Variants in ZAP70 observed in about 807,000 individuals in gnomAD.
ZAP70 encodes tyrosine-protein kinase ZAP-70.
Under a neutral mutation model 65.8 loss-of-function variants are expected in ZAP70, and 27 were observed. That is an observed-to-expected ratio of 0.41 (90% CI 0.30 to 0.57). ZAP70 has a LOEUF of 0.57. Ranked by LOEUF, ZAP70 falls within the 20% of genes least tolerant of loss-of-function variation. The pLI, the probability that ZAP70 is intolerant of heterozygous loss-of-function variation, is 0.28. For missense variants in ZAP70, 696 were observed against 870.5 expected (o/e 0.80, Z 2.52); for synonymous variants, 363 against 360.8 (o/e 1.01, Z -0.07).
chr2:97,756,156 A>G, the ZAP70 span, among the ~76,000 whole-genome samples: 6 of 152,172 alleles, frequency 3.9e-5, no homozygotes, highest in Admixed American at 6.5e-5. Context: ...AGGACCCTCC[A>G]TGATTGCCAT....
chr2:97,738,403 C>T lies in ZAP70; in HGVS notation c.1736+296C>T, dbSNP rs770250305. 7.4e-5 allele frequency: 35 copies of T among 473,210 alleles called. 1 individual carries two copies. Among genetic ancestry groups the T allele is most frequent in the South Asian group, 5.8e-4 (28 of 48,576 alleles). 29.3% of individuals were successfully genotyped at this position (473,210 alleles called of 1,614,324 possible). ...CCTGCAACACGCAAACAGGTCCATA[C>T]TCTGCTACTCAACCTATGACACTGA... On this transcript the variant is annotated intron_variant, in intron 13 of 13. Transcript: ENST00000264972.
rs757387976 is a variant in ZAP70 at position 97,732,930 on chromosome 2, A to G, written c.611A>G (p.Tyr204Cys). Residue 204 changes from tyrosine to cysteine, a missense_variant, in exon 5 of 14, where the codon TAT (tyrosine) becomes TGT (cysteine). By Grantham distance (194) the Tyr-to-Cys change is radical (BLOSUM62 -2). Coordinates refer to ENST00000264972, the MANE Select transcript of ZAP70 (RefSeq NM_001079.4). ...GGCACATACGCCCTGTCCCTCATCT[A>G]TGGGAAGACGGTGTACCACTACCTC... ...EQGTYALSLI[Y>C]GKTVYHYLIS... is the part of the protein sequence containing the mutation. 3 of 1,614,044 alleles carry G rather than the reference A, an allele frequency of 1.9e-6. No individual in the cohort carries two copies. Among genetic ancestry groups the G allele is most frequent in the Admixed American group, 3.3e-5 (2 of 60,024 alleles).
intron 2 of ZAP70, among the ~76,000 whole-genome samples, chr2:97,714,208 C>T (rs1383972300): frequency 5.9e-5 from 9 of 152,134 alleles, no homozygotes; most frequent in African/African-American, 1.9e-4. Context: ...GAGGCTTGGC[C>T]GAGCGGGGCT....
At chr2:97,717,987 A>G (rs11123869) in intron 2 of ZAP70, among the ~76,000 whole-genome samples, 115,597 of 152,130 alleles carry the variant, frequency 0.76, 45,503 homozygotes, top group African/African-American at 0.92. Context: ...GCTGTGATCC[A>G]GGGGCTGTAA....
intron 2 of ZAP70, among the ~76,000 whole-genome samples, chr2:97,720,213 G>C (rs1018316790): frequency 6.6e-6 from 1 of 151,844 alleles, no homozygotes; most frequent in Non-Finnish European, 1.5e-5. Flanking sequence ...GCCTTCATGG[G>C]TTTTTTTGTT....
At chr2:97,724,721 T>G (rs1677309642) in intron 3 of ZAP70, 20 of 1,508,966 alleles carry the variant, frequency 1.3e-5, no homozygotes, top group Non-Finnish European at 1.8e-5. Flanking sequence ...AGGCGAGGCT[T>G]GGAATGGGGG....
chr2:97,743,799 C>T (rs2104717878), downstream of ZAP70, among the ~76,000 whole-genome samples: 1 of 152,242 alleles, frequency 6.6e-6, no homozygotes, highest in African/African-American at 2.4e-5. Flanking sequence ...GTTGTGAATC[C>T]ATTGTCTCTT....
intron 2 of ZAP70, among the ~76,000 whole-genome samples, 179 bp downstream of exon 2, chr2:97,714,173 G>A (rs983834898): frequency 3.9e-5 from 6 of 152,208 alleles, no homozygotes; most frequent in Non-Finnish European, 5.9e-5. Flanking sequence ...TTGTGGCCAC[G>A]CTGAGGGAAG....
intron 2 of ZAP70, among the ~76,000 whole-genome samples, chr2:97,722,500 T>C (rs927388513): frequency 2.0e-5 from 3 of 152,216 alleles, no homozygotes; most frequent in Non-Finnish European, 4.4e-5. Flanking sequence ...ATGTGCCTTA[T>C]GGAGAAAACA....
downstream of ZAP70, among the ~76,000 whole-genome samples, chr2:97,740,212 C>A (rs928448236): frequency 1.3e-5 from 2 of 152,126 alleles, no homozygotes; most frequent in Non-Finnish European, 2.9e-5. Context: ...GGGTCTTCAC[C>A]CCCCCAGGGG....
chr2:97,730,641 A>G (rs1677561963), intron 4 of ZAP70, among the ~76,000 whole-genome samples: 1 of 152,196 alleles, frequency 6.6e-6, no homozygotes, highest in Admixed American at 6.5e-5. Context: ...CAGAAGACAG[A>G]GGAGGAGGCC....
chr2:97,745,225 G>C, the ZAP70 span, among the ~76,000 whole-genome samples: 3 of 152,286 alleles, frequency 2.0e-5, no homozygotes, highest in South Asian at 6.2e-4. Flanking sequence ...TCTTAGTAGA[G>C]ATGGGGTTTC....
intron 8 of ZAP70, 161 bp from the exon 9 acceptor site, chr2:97,734,359 G>A: frequency 1.4e-6 from 2 of 1,436,304 alleles, no homozygotes; most frequent in Non-Finnish European, 1.8e-6. Flanking sequence ...GTATGCCAGT[G>A]TGTGCGTGTG....
At chr2:97,735,698 C>T (rs192931103) in intron 10 of ZAP70, among the ~76,000 whole-genome samples, 64 of 152,330 alleles carry the variant, frequency 4.2e-4, no homozygotes, top group African/African-American at 1.3e-3. Context: ...TTGCGAGGAT[C>T]GAATGAGTCG....
intron 9 of ZAP70, 156 bp from the exon 10 acceptor site, chr2:97,735,094 C>A: frequency 4.6e-6 from 4 of 868,918 alleles, no homozygotes; most frequent in Non-Finnish European, 7.2e-6. Context: ...ACGCTCCAGG[C>A]TGCAGGGACA....
chr2:97,729,141 C>T (rs960244043), intron 4 of ZAP70, among the ~76,000 whole-genome samples: 4 of 152,238 alleles, frequency 2.6e-5, no homozygotes, highest in African/African-American at 9.6e-5. Context: ...AGCATATTCA[C>T]CTCAAAGACT....
rs1677989578 is a variant in ZAP70 at position 97,738,169 on chromosome 2, G to A, written c.1736+62G>A. ...CCCCTGGAAAGTCCTGGTGCCCGAT[G>A]AGTTGATGTCAATATAACTCTACCC... On this transcript the variant is annotated intron_variant, in intron 13 of 13. Transcript: ENST00000264972. 3 of 1,459,304 alleles carry A rather than the reference G, an allele frequency of 2.1e-6. No individual in the cohort carries two copies. In the East Asian group the frequency reaches 7.3e-5, roughly 36 times the overall value. The allele number at this position is 1,459,304 out of a possible 1,614,324, so 90.4% of individuals were successfully genotyped here. A position where few individuals can be genotyped will look rare whatever the true frequency, so the allele number is the denominator to read the frequency against.
intron 7 of ZAP70, 94 bp downstream of exon 7, chr2:97,733,437 G>A (rs55715517): frequency 2.2e-4 from 356 of 1,601,980 alleles, no homozygotes; most frequent in African/African-American, 3.6e-4. Flanking sequence ...CCTGTGGAGC[G>A]GAAGAAGCTC....
chr2:97,754,764 C>T, the ZAP70 span, among the ~76,000 whole-genome samples: 43 of 152,280 alleles, frequency 2.8e-4, no homozygotes, highest in African/African-American at 8.2e-4. Flanking sequence ...GAGCTTTACA[C>T]GTCATTATCT....
Sources: gnomAD v4.1 joint callset for allele counts (sites outside exome capture counted in the v4.1 genomes callset) on GRCh38, gnomAD v4.1.1 for gene constraint, MANE v1.5 for transcripts, NCBI Gene and HGNC (gene_info 2026-07-23, HGNC 2026-07-21) for gene names.